The following CTNNAL1 variants were observed in gnomAD, a reference collection of about 807,000 sequenced individuals.
The protein encoded by CTNNAL1 is alpha-catulin.
A neutral mutation model predicts 93.6 loss-of-function variants in CTNNAL1; 69 were observed. That is an observed-to-expected ratio of 0.74 (90% CI 0.61 to 0.90). The LOEUF is 0.90. CTNNAL1 is among the 40% of genes least tolerant of loss of function. CTNNAL1 has a pLI of 0.00. For synonymous variants in CTNNAL1, 286 were observed against 305.4 expected, an observed-to-expected ratio of 0.94 and a Z score of 0.66; for missense variants, 836 against 862.0, an observed-to-expected ratio of 0.97 and a Z score of 0.38.
At chr9:108,980,162 T>C (rs1382358347) in intron 6 of CTNNAL1, among the ~76,000 whole-genome samples, 1 of 152,184 alleles carries the variant, frequency 6.6e-6, no homozygotes, top group Non-Finnish European at 1.5e-5. Flanking sequence ...AAATCCTCTA[T>C]GGCCTGTCTT....
intron 6 of CTNNAL1, 101 bp from the exon 7 acceptor site, chr9:108,979,582 T>G: frequency 2.8e-6 from 3 of 1,087,312 alleles, no homozygotes; most frequent in Non-Finnish European, 4.0e-6. Flanking sequence ...ACACTAGCAT[T>G]TCCTTTTCCC....
chr9:109,005,853 A>C (rs896039310), intron 1 of CTNNAL1, among the ~76,000 whole-genome samples: 8 of 152,226 alleles, frequency 5.3e-5, no homozygotes, highest in African/African-American at 1.7e-4. Flanking sequence ...TTTCACTAGA[A>C]GCGCCTTCCC....
Position 108,943,019 on chromosome 9 carries a change from C to T in CTNNAL1, c.2081G>A (p.Arg694Lys), listed in dbSNP as rs1340694603. The change falls in exon 18 of 19, where the codon AGA (arginine) becomes AAA (lysine). Residue 694 changes from arginine (R) to lysine (K), a missense_variant. Transcript: ENST00000325551. ...LKVDKCITKT[R>K]SMMALLVQLL... ...TTGGACTAAGAGAGCCATCATGGATCTTGTCTTCGTAATACACTTGTCAAC... is the reference window on the plus strand; with the variant it reads ...TTGGACTAAGAGAGCCATCATGGATTTTGTCTTCGTAATACACTTGTCAAC... 15 of 1,612,440 alleles carry T rather than the reference C, an allele frequency of 9.3e-6. No homozygotes were observed. Among genetic ancestry groups the T allele is most frequent in the Non-Finnish European group, 1.3e-5 (15 of 1,179,644 alleles).
intron 1 of CTNNAL1, among the ~76,000 whole-genome samples, chr9:109,012,743 G>A (rs1322992333): frequency 1.3e-5 from 2 of 152,190 alleles, no homozygotes; most frequent in African/African-American, 4.8e-5. Flanking sequence ...TAGGGTGGCC[G>A]GGATGAATGG....
chr9:108,954,250 T>A (rs1342783303), intron 12 of CTNNAL1, among the ~76,000 whole-genome samples: 1 of 152,142 alleles, frequency 6.6e-6, no homozygotes, highest in African/African-American at 2.4e-5. Context: ...GTCCCCTAAA[T>A]ATAAATAGCA....
At chr9:108,968,104 C>A (rs1831010448) in intron 10 of CTNNAL1, among the ~76,000 whole-genome samples, 1 of 152,202 alleles carries the variant, frequency 6.6e-6, no homozygotes. Context: ...CATAACTTGC[C>A]ATGGACTACA....
chr9:108,964,099 T>C (rs188019201), intron 11 of CTNNAL1, among the ~76,000 whole-genome samples: 3 of 152,362 alleles, frequency 2.0e-5, no homozygotes, highest in African/African-American at 7.2e-5. Context: ...ATCATTTACC[T>C]TTTAATATCC....
At chr9:108,990,900 T>C in intron 3 of CTNNAL1, 55 bp from the exon 4 acceptor site, 1 of 1,562,722 alleles carries the variant, frequency 6.4e-7, no homozygotes. Context: ...GAGACTGAGA[T>C]TGTCAAGGCT....
At chr9:108,972,864 G>GGGGGCCC in intron 8 of CTNNAL1, 31 bp from the exon 9 acceptor site, 14 of 142,476 alleles carry the variant, frequency 9.8e-5, no homozygotes, top group Non-Finnish European at 1.3e-4. Flanking sequence ...GGGGGGGTGG[G>GGGGGCCC]AGGGTGGAGA....
At chr9:108,992,538 C>T (rs1587980660) in intron 3 of CTNNAL1, 94 bp downstream of exon 3, 1 of 1,428,092 alleles carries the variant, frequency 7.0e-7, no homozygotes, top group East Asian at 2.5e-5. Context: ...TCTTCATCGA[C>T]ACACAAGCCA....
chr9:108,984,199 T>A (rs1168481536), intron 5 of CTNNAL1, 148 bp downstream of exon 5: 2 of 551,484 alleles, frequency 3.6e-6, no homozygotes, highest in Non-Finnish European at 6.4e-6. Flanking sequence ...AGCATTCTTA[T>A]AAATAATAAC....
intron 15 of CTNNAL1, among the ~76,000 whole-genome samples, chr9:108,944,834 T>A (rs959674009): frequency 2.0e-5 from 3 of 152,144 alleles, no homozygotes; most frequent in Admixed American, 2.0e-4. Context: ...CCAGGGTTAA[T>A]TTTTACCCTC....
At chr9:108,958,120 A>T (rs189423562) in intron 11 of CTNNAL1, among the ~76,000 whole-genome samples, 1 of 151,728 alleles carries the variant, frequency 6.6e-6, no homozygotes. Flanking sequence ...ATAAATAATA[A>T]AGAAAAAAGA....
intron 15 of CTNNAL1, among the ~76,000 whole-genome samples, chr9:108,946,281 G>C (rs905759081): frequency 6.9e-6 from 1 of 144,676 alleles, no homozygotes; most frequent in Non-Finnish European, 1.5e-5. Flanking sequence ...CCTGACAACA[G>C]AGCGAGACTA....
intron 1 of CTNNAL1, among the ~76,000 whole-genome samples, chr9:109,005,428 A>G (rs980012971): frequency 6.6e-6 from 1 of 151,864 alleles, no homozygotes; most frequent in Non-Finnish European, 1.5e-5. Flanking sequence ...CTAACCCCCA[A>G]TGTGATGGTA....
At chr9:108,964,469 T>C (rs1005422483) in intron 11 of CTNNAL1, among the ~76,000 whole-genome samples, 1 of 152,010 alleles carries the variant, frequency 6.6e-6, no homozygotes, top group Non-Finnish European at 1.5e-5. Context: ...GGACACACAG[T>C]ACAATGGAAA....
chr9:108,998,161 G>A (rs1832090665), intron 2 of CTNNAL1, among the ~76,000 whole-genome samples: 1 of 152,044 alleles, frequency 6.6e-6, no homozygotes, highest in South Asian at 2.1e-4. Flanking sequence ...ACCCCTCACG[G>A]GACATTTGGC....
At chr9:108,989,488 T>A (rs1831720455) in intron 4 of CTNNAL1, among the ~76,000 whole-genome samples, 1 of 152,178 alleles carries the variant, frequency 6.6e-6, no homozygotes, top group Non-Finnish European at 1.5e-5. Context: ...AATGCCATTA[T>A]TTAGCCTGCC....
In CTNNAL1 at chr9:109,013,416, G is replaced by A; in HGVS notation, c.27C>T (p.Gly9=). MAASPGPA[G]VGGAGAVYGS... ...CGTAGACTGCTCCGGCGCCGCCAAC[G>A]CCGGCGGGTCCGGGAGAGGCGGCCA... Residue 9 remains glycine, a synonymous_variant, in exon 1 of 19, where the codon GGC becomes GGT. Coordinates refer to ENST00000325551, the MANE Select transcript of CTNNAL1 (RefSeq NM_003798.4). 6.7e-7 allele frequency: 1 copy of A among 1,486,330 alleles called. No individual in the cohort carries two copies. The highest frequency in any genetic ancestry group is 1.3e-5 in the South Asian group (1 of 77,738). 92.1% of individuals were successfully genotyped at this position (1,486,330 alleles called of 1,614,324 possible).
Sources: allele counts gnomAD v4.1 joint callset (sites outside exome capture counted in the v4.1 genomes callset), GRCh38; gene constraint gnomAD v4.1.1; transcripts MANE v1.5; gene names NCBI Gene and HGNC (gene_info 2026-07-23, HGNC 2026-07-21).